CHD6: variants seen among roughly 807,000 people sequenced by gnomAD.
The protein encoded by CHD6 is ATP-dependent chromatin remodeler CHD6.
A neutral mutation model predicts 276.9 loss-of-function variants in CHD6; 50 were observed. The ratio of observed to expected loss-of-function variants is 0.18; its 90% CI spans 0.14 to 0.23. CHD6 has a LOEUF of 0.23. CHD6 is among the 10% of genes least tolerant of loss of function. The probability of loss-of-function intolerance (pLI) is 1.00; values close to 1 mark genes in which losing one functional copy is unlikely to be tolerated. For synonymous variants in CHD6, 1,173 were observed against 1,229.3 expected, an observed-to-expected ratio of 0.95 and a Z score of 0.96; for missense variants, 2,564 against 3,365.8, an observed-to-expected ratio of 0.76 and a Z score of 5.89.
intron 1 of CHD6, among the ~76,000 whole-genome samples, chr20:41,577,583 G>A (rs1468124323): frequency 6.6e-6 from 1 of 152,150 alleles, no homozygotes; most frequent in Admixed American, 6.5e-5. Flanking sequence ...TCCTTTACGT[G>A]GACATGTAGT....
chr20:41,516,374 A>G (rs1033363931), intron 3 of CHD6, among the ~76,000 whole-genome samples: 1 of 152,048 alleles, frequency 6.6e-6, no homozygotes, highest in Non-Finnish European at 1.5e-5. Flanking sequence ...GGGTTTCATC[A>G]TGTTGGCCAG....
At chr20:41,483,269 T>C (rs2043336424) in intron 16 of CHD6, 40 bp downstream of exon 16, 1 of 1,514,676 alleles carries the variant, frequency 6.6e-7, no homozygotes, top group Admixed American at 2.2e-5. Flanking sequence ...GGAAAGGAAC[T>C]GTCCCATTGT....
intron 1 of CHD6, among the ~76,000 whole-genome samples, chr20:41,601,765 T>C (rs567680318): frequency 7.2e-5 from 11 of 152,230 alleles, no homozygotes; most frequent in Non-Finnish European, 1.2e-4. Context: ...AAATTTCATG[T>C]GGTGTTAAAG....
chr20:41,547,949 T>TA, intron 2 of CHD6: 1 of 274,298 alleles, frequency 3.6e-6, no homozygotes, highest in Non-Finnish European at 7.2e-6. Context: ...AAAATTTCCA[T>TA]AAAGGTTCAT....
chr20:41,471,605 G>A (rs1241073285), intron 17 of CHD6, among the ~76,000 whole-genome samples: 2 of 151,500 alleles, frequency 1.3e-5, no homozygotes, highest in African/African-American at 2.4e-5. Context: ...GCACAATCTC[G>A]GCTCACTGCA....
At chr20:41,591,420 A>G (rs1202676859) in intron 1 of CHD6, among the ~76,000 whole-genome samples, 2 of 150,902 alleles carry the variant, frequency 1.3e-5, no homozygotes. Flanking sequence ...ATATATATAC[A>G]TATATATATA....
At chr20:41,446,907 G>A (rs942018390) in intron 24 of CHD6, among the ~76,000 whole-genome samples, 1 of 152,212 alleles carries the variant, frequency 6.6e-6, no homozygotes, top group Admixed American at 6.5e-5. Context: ...CATGACAGCG[G>A]TAAGTTCAGA....
intron 2 of CHD6, among the ~76,000 whole-genome samples, chr20:41,541,082 T>A (rs1335013108): frequency 6.6e-6 from 1 of 151,630 alleles, no homozygotes; most frequent in African/African-American, 2.4e-5. Context: ...GCTGCAATTG[T>A]ACTGGAACTT....
chr20:41,424,361 T>G (rs532256040), intron 29 of CHD6, among the ~76,000 whole-genome samples: 16 of 152,294 alleles, frequency 1.1e-4, no homozygotes, highest in Non-Finnish European at 2.1e-4. Flanking sequence ...ACCATAGCCA[T>G]TATGAGGGGC....
At chr20:41,419,576 A>AG (rs1391548442) in intron 31 of CHD6, among the ~76,000 whole-genome samples, 2,779 of 137,028 alleles carry the variant, frequency 0.02, 163 homozygotes, top group African/African-American at 0.084. Context: ...AAAAAAAAAA[A>AG]AAAAAAAAAA....
At chr20:41,526,870 T>C (rs568870734) in intron 3 of CHD6, among the ~76,000 whole-genome samples, 1 of 152,304 alleles carries the variant, frequency 6.6e-6, no homozygotes, top group South Asian at 2.1e-4. Context: ...TGGGAGAATT[T>C]TGAACTGCAA....
At chr20:41,469,307 G>C (rs1046082399) in intron 17 of CHD6, among the ~76,000 whole-genome samples, 1 of 152,152 alleles carries the variant, frequency 6.6e-6, no homozygotes, top group Non-Finnish European at 1.5e-5. Context: ...GCCCACCGTT[G>C]TTATCTTGAA....
intron 3 of CHD6, among the ~76,000 whole-genome samples, chr20:41,529,375 A>G (rs2044623697): frequency 6.6e-6 from 1 of 152,208 alleles, no homozygotes; most frequent in African/African-American, 2.4e-5. Context: ...TTTAGAGGCA[A>G]ACATACAAGA....
At chr20:41,521,795 A>G (rs1339377781) in intron 3 of CHD6, among the ~76,000 whole-genome samples, 1 of 152,120 alleles carries the variant, frequency 6.6e-6, no homozygotes, top group African/African-American at 2.4e-5. Context: ...TATGTCAGAA[A>G]GTAAGAGGGT....
chr20:41,512,280 TTA>T (rs2044137972), intron 5 of CHD6, among the ~76,000 whole-genome samples: 1 of 152,026 alleles, frequency 6.6e-6, no homozygotes, highest in South Asian at 2.1e-4. Flanking sequence ...CTTTCACATT[TTA>T]ATGAGAGACA....
chr20:41,484,326 G>A, intron 15 of CHD6, 26 bp downstream of exon 15: 2 of 1,612,810 alleles, frequency 1.2e-6, no homozygotes, highest in Non-Finnish European at 8.5e-7. Context: ...GCAGTCCTGA[G>A]TTACTTCCTA....
chr20:41,454,738 T>C lies in CHD6; in HGVS notation c.3010-2A>G. 1 of 1,605,400 alleles carries C rather than the reference T, an allele frequency of 6.2e-7. No individual in the cohort carries two copies. The highest frequency in any genetic ancestry group is 8.5e-7 in the Non-Finnish European group (1 of 1,174,274). On this transcript the variant is annotated splice_acceptor_variant, in intron 19 of 36. Transcript: ENST00000373233. LOFTEE classifies it high-confidence loss of function. ...GTTTCCTGAAGCCACAAAGCTAGCC[T>C]GTGAAGAAGACAAGAATTAATAAAC...
At chr20:41,445,217 A>C (rs183397533) in intron 25 of CHD6, among the ~76,000 whole-genome samples, 3 of 152,346 alleles carry the variant, frequency 2.0e-5, no homozygotes, top group African/African-American at 7.2e-5. Context: ...TTAAAATGCC[A>C]GTGGGGTAAA....
intron 17 of CHD6, among the ~76,000 whole-genome samples, chr20:41,470,780 TC>T (rs2043034900): frequency 6.6e-6 from 1 of 152,264 alleles, no homozygotes; most frequent in South Asian, 2.1e-4. Context: ...TTCTTGCTTT[TC>T]CCATGGCATT....
Sources: allele counts gnomAD v4.1 joint callset (sites outside exome capture counted in the v4.1 genomes callset), GRCh38; gene constraint gnomAD v4.1.1; transcripts MANE v1.5; gene names NCBI Gene and HGNC (gene_info 2026-07-23, HGNC 2026-07-21).